BAIAP2L1: variants seen among roughly 807,000 people sequenced by gnomAD.
BAIAP2L1 encodes BAR/IMD domain-containing adapter protein 2-like 1.
BAIAP2L1 carries 35 observed loss-of-function variants against 66.3 expected under a neutral mutation model. That is an observed-to-expected ratio of 0.53 (90% CI 0.40 to 0.70). The LOEUF is 0.70. BAIAP2L1 is among the 30% of genes least tolerant of loss of function. The probability of loss-of-function intolerance (pLI) is 0.00; values close to 1 mark genes in which losing one functional copy is unlikely to be tolerated. For synonymous variants in BAIAP2L1, 269 were observed against 248.7 expected, an observed-to-expected ratio of 1.08 and a Z score of -0.77; for missense variants, 622 against 656.9, an observed-to-expected ratio of 0.95 and a Z score of 0.58.
intron 1 of BAIAP2L1, among the ~76,000 whole-genome samples, chr7:98,381,871 G>A (rs891337458): frequency 1.3e-5 from 2 of 150,974 alleles, no homozygotes; most frequent in South Asian, 4.2e-4. Context: ...TATCAAGCCC[G>A]TTAAGAAAAT....
intron 1 of BAIAP2L1, among the ~76,000 whole-genome samples, chr7:98,383,356 TCA>T (rs1160351423): frequency 6.7e-6 from 1 of 149,848 alleles, no homozygotes; most frequent in Non-Finnish European, 1.5e-5. Context: ...CGATCTTGGC[TCA>T]CCACAACCTC....
At chr7:98,375,287 G>C (rs929389649) in intron 1 of BAIAP2L1, among the ~76,000 whole-genome samples, 5 of 151,826 alleles carry the variant, frequency 3.3e-5, no homozygotes, top group African/African-American at 9.7e-5. Flanking sequence ...CCAGCTACTC[G>C]GGAGGCTGAA....
intron 2 of BAIAP2L1, among the ~76,000 whole-genome samples, chr7:98,361,358 GA>G (rs563138856): frequency 4.1e-4 from 57 of 140,728 alleles, no homozygotes; most frequent in Admixed American, 5.0e-4. Flanking sequence ...CTCTGTCTGG[GA>G]AAAAAAAAAA....
Position 98,294,110 on chromosome 7 carries a change from T to A in BAIAP2L1, c.1424A>T (p.Asn475Ile). The part of the protein sequence containing the change: ...PASKPETAAP[N>I]DANGTAKPPF... ...CGGCTTTGCAGTCCCGTTGGCATCG[T>A]TCTGTGAGAAAGATAAAGAAGTTTA... The change falls in exon 13 of 14, where the codon AAC becomes ATC. Residue 475 changes from asparagine (N) to isoleucine (I), a missense_variant and splice_region_variant. By Grantham distance (149) the Asn-to-Ile change is moderately radical. Transcript: ENST00000005260. 1 of 1,614,072 alleles carries A rather than the reference T, an allele frequency of 6.2e-7. No individual in the cohort carries two copies. The highest frequency in any genetic ancestry group is 1.1e-5 in the South Asian group (1 of 91,080).
chr7:98,353,358 T>C (rs887583123), intron 3 of BAIAP2L1, among the ~76,000 whole-genome samples: 1 of 139,158 alleles, frequency 7.2e-6, no homozygotes, highest in Non-Finnish European at 1.5e-5. Context: ...TATATATTTA[T>C]ATATATACAC....
intron 9 of BAIAP2L1, chr7:98,309,026 A>G (rs546271816): frequency 1.3e-5 from 2 of 152,098 alleles, no homozygotes; most frequent in African/African-American, 4.8e-5. Context: ...TACAACAAGC[A>G]TCTTTAATTT....
chr7:98,400,744 C>T (rs892909475), intron 1 of BAIAP2L1, 58 bp downstream of exon 1: 1 of 1,535,984 alleles, frequency 6.5e-7, no homozygotes, highest in Admixed American at 2.0e-5. Flanking sequence ...GTAAAGTCCC[C>T]TTCTGAACCC....
At chr7:98,308,020 C>A (rs760980254) in intron 9 of BAIAP2L1, 124 bp from the exon 10 acceptor site, 1 of 919,742 alleles carries the variant, frequency 1.1e-6, no homozygotes, top group Non-Finnish European at 1.8e-6. Context: ...TCCACGGAAA[C>A]TGACCCTGTC....
At chr7:98,383,130 T>TC (rs914327814) in intron 1 of BAIAP2L1, among the ~76,000 whole-genome samples, 32 of 149,984 alleles carry the variant, frequency 2.1e-4, no homozygotes, top group African/African-American at 6.6e-4. Flanking sequence ...GCCACCACAC[T>TC]CCAGCCTGGG....
intron 1 of BAIAP2L1, among the ~76,000 whole-genome samples, chr7:98,391,348 T>A (rs946312865): frequency 6.6e-6 from 1 of 152,188 alleles, no homozygotes; most frequent in African/African-American, 2.4e-5. Flanking sequence ...TTATCTCATT[T>A]ATATGCATCT....
At chr7:98,378,643 G>GT (rs879884827) in intron 1 of BAIAP2L1, among the ~76,000 whole-genome samples, 2,208 of 147,614 alleles carry the variant, frequency 0.015, 53 homozygotes, top group African/African-American at 0.049. Flanking sequence ...GGCTAGGGAT[G>GT]TTTTTTTTTT....
chr7:98,308,029 T>A, intron 9 of BAIAP2L1, 133 bp from the exon 10 acceptor site: 1 of 854,792 alleles, frequency 1.2e-6, no homozygotes, highest in Non-Finnish European at 2.0e-6. Flanking sequence ...ACTGACCCTG[T>A]CCTATTTCCT....
At chr7:98,367,254 T>C (rs935160284) in intron 1 of BAIAP2L1, among the ~76,000 whole-genome samples, 1 of 152,200 alleles carries the variant, frequency 6.6e-6, no homozygotes, top group Non-Finnish European at 1.5e-5. Context: ...TCTATAACCA[T>C]AGTATATTAT....
At chr7:98,372,240 T>C (rs907838012) in intron 1 of BAIAP2L1, among the ~76,000 whole-genome samples, 1 of 151,972 alleles carries the variant, frequency 6.6e-6, no homozygotes, top group African/African-American at 2.4e-5. Flanking sequence ...ACCCCCTCCC[T>C]ACTAAAAATA....
At chr7:98,394,018 C>T (rs150245870) in intron 1 of BAIAP2L1, among the ~76,000 whole-genome samples, 2,465 of 152,084 alleles carry the variant, frequency 0.016, 71 homozygotes, top group African/African-American at 0.057. Flanking sequence ...GGTAGGCAGG[C>T]AGATCATGAG....
intron 3 of BAIAP2L1, among the ~76,000 whole-genome samples, chr7:98,332,789 A>G (rs1801528050): frequency 6.9e-6 from 1 of 145,962 alleles, no homozygotes; most frequent in African/African-American, 2.5e-5. Flanking sequence ...AGCCTGGGTT[A>G]CAGAATGAGA....
At chr7:98,374,001 G>A (rs1440048769) in intron 1 of BAIAP2L1, among the ~76,000 whole-genome samples, 1 of 152,186 alleles carries the variant, frequency 6.6e-6, no homozygotes. Context: ...TGCCCAGGCT[G>A]GAGTATAGAG....
chr7:98,293,069 TG>T lies in BAIAP2L1; in HGVS notation c.*451del. 7 of 733,142 alleles carry T rather than the reference TG, an allele frequency of 9.5e-6. No homozygotes were observed. The highest frequency in any genetic ancestry group is 8.6e-6 in the Non-Finnish European group (5 of 580,686). 45.4% of individuals were successfully genotyped at this position (733,142 alleles called of 1,614,324 possible). ...ATATTGCTTAAAATTATGATTTGCA[TG>T]CTAAGATGCAAACTTACGTGATATC... is the stretch of plus-strand genomic sequence containing the variant. On this transcript the variant is annotated 3_prime_UTR_variant, in exon 14 of 14. Coordinates refer to ENST00000005260, the MANE Select transcript of BAIAP2L1 (RefSeq NM_018842.5).
Position 98,351,810 on chromosome 7 carries a change from G to A in BAIAP2L1, c.214+3232C>T, listed in dbSNP as rs183597566. On this transcript the variant is annotated intron_variant, in intron 3 of 13. Transcript: ENST00000005260. Reference sequence around the variant, plus strand: ...TCCTACATTATTCACACAGCAGTGAGTGAGCCGATGCCAGGAGAGAGCTAA... The same window carrying A: ...TCCTACATTATTCACACAGCAGTGAATGAGCCGATGCCAGGAGAGAGCTAA... Among the ~76,000 whole-genome samples the A allele has an allele frequency of 9.8e-5, 15 of 152,308 alleles. No homozygotes were observed. In the East Asian group the frequency reaches 2.9e-3, roughly 29 times the overall value.
Sources: gnomAD v4.1 joint callset for allele counts (sites outside exome capture counted in the v4.1 genomes callset) on GRCh38, gnomAD v4.1.1 for gene constraint, MANE v1.5 for transcripts, NCBI Gene and HGNC (gene_info 2026-07-23, HGNC 2026-07-21) for gene names.